Variants in GABRA5 observed in about 807,000 individuals in gnomAD.
GABRA5 encodes the protein gamma-aminobutyric acid receptor subunit alpha-5.
GABRA5 carries 18 observed loss-of-function variants against 47.3 expected under a neutral mutation model. The ratio of observed to expected loss-of-function variants is 0.38; its 90% CI spans 0.26 to 0.56. The LOEUF is 0.56. GABRA5 is among the 20% of genes least tolerant of loss of function. The pLI is 0.71. For missense variants in GABRA5, 365 were observed against 599.3 expected, an observed-to-expected ratio of 0.61 and a Z score of 4.08; for synonymous variants, 237 against 229.3, an observed-to-expected ratio of 1.03 and a Z score of -0.30.
chr15:26,879,220 C>A (rs1186809949), intron 3 of GABRA5, among the ~76,000 whole-genome samples: 1 of 152,178 alleles, frequency 6.6e-6, no homozygotes, highest in African/African-American at 2.4e-5. Flanking sequence ...AATTGAGTTG[C>A]AAACTCGGTG....
chr15:26,911,634 C>T (rs537526279), intron 6 of GABRA5, among the ~76,000 whole-genome samples: 2 of 152,082 alleles, frequency 1.3e-5, no homozygotes, highest in South Asian at 2.1e-4. Flanking sequence ...GAGTGCCTCA[C>T]GGGGCCTTTG....
At chr15:26,902,011 C>T (rs2140280466) in intron 6 of GABRA5, among the ~76,000 whole-genome samples, 1 of 152,034 alleles carries the variant, frequency 6.6e-6, no homozygotes, top group African/African-American at 2.4e-5. Flanking sequence ...ATCTAGTTGT[C>T]TATTCTTTCA....
At chr15:26,946,791 A>AG (rs2140606264) in intron 10 of GABRA5, among the ~76,000 whole-genome samples, 1 of 151,138 alleles carries the variant, frequency 6.6e-6, no homozygotes, top group South Asian at 2.1e-4. Flanking sequence ...TTTATATCCA[A>AG]AAAAAAAACT....
chr15:26,944,210 C>T (rs941876614), intron 10 of GABRA5, among the ~76,000 whole-genome samples: 5 of 152,162 alleles, frequency 3.3e-5, no homozygotes, highest in African/African-American at 9.7e-5. Flanking sequence ...AGTGTAAGTC[C>T]GACCTCCCAG....
chr15:26,868,255 C>T (rs1165987514), intron 1 of GABRA5, among the ~76,000 whole-genome samples: 1 of 151,894 alleles, frequency 6.6e-6, no homozygotes, highest in African/African-American at 2.4e-5. Flanking sequence ...CCGCGACGAG[C>T]CCCCCGGACG....
intron 9 of GABRA5, among the ~76,000 whole-genome samples, chr15:26,940,593 G>C (rs1018678916): frequency 1.3e-5 from 2 of 152,288 alleles, no homozygotes; most frequent in Non-Finnish European, 2.9e-5. Flanking sequence ...TTAAAATAAG[G>C]ATACTCAGTC....
At chr15:26,945,166 G>A (rs1403565135) in intron 10 of GABRA5, among the ~76,000 whole-genome samples, 1 of 152,242 alleles carries the variant, frequency 6.6e-6, no homozygotes, top group East Asian at 1.9e-4. Context: ...TGGGAAGGCA[G>A]TGGCGCTGGG....
rs1031214425 is a variant in GABRA5, at chr15:26,883,594, G to A, written c.497+37G>A. On this transcript the variant is annotated intron_variant, in intron 6 of 10. Coordinates refer to ENST00000335625, the MANE Select transcript of GABRA5 (RefSeq NM_000810.4). This position sits in a 1 kb window ranked among gnomAD's most constrained non-coding sequence, Gnocchi z 4.8. ...GCGGGGGCGGGCGGGGCCGGGGGACGGTGCGGGGCAGGCGCGGCTGCCCAT... is the reference window on the plus strand; with the variant it reads ...GCGGGGGCGGGCGGGGCCGGGGGACAGTGCGGGGCAGGCGCGGCTGCCCAT... The A allele has an allele frequency of 1.0e-5, 15 of 1,462,802 alleles. No homozygotes were observed. The highest frequency in any genetic ancestry group is 2.0e-4 in the Middle Eastern group (1 of 4,880). 90.6% of individuals were successfully genotyped at this position (1,462,802 alleles called of 1,614,324 possible).
intron 3 of GABRA5, 175 bp from the exon 4 acceptor site, chr15:26,880,671 T>C (rs745440283): frequency 3.7e-6 from 2 of 533,732 alleles, no homozygotes; most frequent in East Asian, 6.4e-5. Context: ...CCTTGGATGT[T>C]GGAGAACTGA....
chr15:26,917,500 T>C (rs1893745300), intron 7 of GABRA5, among the ~76,000 whole-genome samples: 1 of 152,130 alleles, frequency 6.6e-6, no homozygotes, highest in Non-Finnish European at 1.5e-5. Flanking sequence ...GGCATCTATA[T>C]TCATCAAGGA....
intron 6 of GABRA5, among the ~76,000 whole-genome samples, chr15:26,907,304 T>C (rs1440063822): frequency 6.6e-6 from 1 of 152,232 alleles, no homozygotes; most frequent in East Asian, 1.9e-4. Context: ...GACTTTAAAA[T>C]TTCAGTAATA....
At chr15:26,922,784 A>G (rs531991690) in intron 7 of GABRA5, among the ~76,000 whole-genome samples, 5 of 152,312 alleles carry the variant, frequency 3.3e-5, no homozygotes, top group Middle Eastern at 3.4e-3. Context: ...TTAAAGAGAC[A>G]AGGTCTTGCT....
intron 10 of GABRA5, among the ~76,000 whole-genome samples, chr15:26,945,751 G>T (rs554574152): frequency 9.8e-5 from 15 of 152,288 alleles, no homozygotes; most frequent in Middle Eastern, 3.4e-3. Flanking sequence ...ATTCCAGGGC[G>T]CGTGTAAATC....
chr15:26,942,199 A>G (rs1894400865), intron 9 of GABRA5, among the ~76,000 whole-genome samples: 1 of 152,176 alleles, frequency 6.6e-6, no homozygotes, highest in Non-Finnish European at 1.5e-5. Flanking sequence ...CCAAACAGGG[A>G]TACTGACACC....
At chr15:26,889,311 G>C (rs1892949528) in intron 6 of GABRA5, among the ~76,000 whole-genome samples, 1 of 152,074 alleles carries the variant, frequency 6.6e-6, no homozygotes, top group Non-Finnish European at 1.5e-5. Context: ...TTCAGGTCCT[G>C]ACTGTCATTT....
intron 3 of GABRA5, among the ~76,000 whole-genome samples, chr15:26,872,327 C>G (rs993500550): frequency 6.6e-6 from 1 of 152,166 alleles, no homozygotes; most frequent in Non-Finnish European, 1.5e-5. Flanking sequence ...AGCCCATCTT[C>G]TAGCTGGGAA....
At chr15:26,879,414 A>C (rs1892673594) in intron 3 of GABRA5, among the ~76,000 whole-genome samples, 1 of 152,216 alleles carries the variant, frequency 6.6e-6, no homozygotes. Flanking sequence ...GTGTGCAACT[A>C]CCATGGATGT....
chr15:26,926,186 C>T (rs1336251161), intron 7 of GABRA5, among the ~76,000 whole-genome samples: 1 of 152,112 alleles, frequency 6.6e-6, no homozygotes, highest in Non-Finnish European at 1.5e-5. Flanking sequence ...TAAATGGCAA[C>T]TCCTGTCCAT....
intron 6 of GABRA5, among the ~76,000 whole-genome samples, chr15:26,900,320 T>C (rs1182526403): frequency 1.3e-5 from 2 of 152,190 alleles, no homozygotes; most frequent in Non-Finnish European, 2.9e-5. Flanking sequence ...TTTTTTTGTA[T>C]TTAAAGTCAT....
Sources: allele counts gnomAD v4.1 joint callset (sites outside exome capture counted in the v4.1 genomes callset), GRCh38; gene constraint gnomAD v4.1.1; non-coding constraint Gnocchi (gnomAD v3.1); transcripts MANE v1.5; gene names NCBI Gene and HGNC (gene_info 2026-07-23, HGNC 2026-07-21).